Variants in GLIS3 observed in about 807,000 individuals in gnomAD.
GLIS3 encodes GLIS family zinc finger 3.
In GLIS3, 53 loss-of-function variants were observed where a neutral mutation model predicts 78.6. The ratio of observed to expected loss-of-function variants is 0.67; its 90% CI spans 0.54 to 0.85. The LOEUF (loss-of-function observed/expected upper bound fraction) is 0.85. Ranked by LOEUF, GLIS3 falls within the 40% of genes least tolerant of loss-of-function variation. The probability of loss-of-function intolerance (pLI) is 0.00; values close to 1 mark genes in which losing one functional copy is unlikely to be tolerated. For missense variants in GLIS3, 1,703 were observed against 1,231.1 expected (o/e 1.38, Z -5.74); for synonymous variants, 684 against 509.9 (o/e 1.34, Z -4.60).
In GLIS3 at chr9:4,254,990, ATATAT is replaced by A. The variant is rs576107080; in HGVS notation, c.388+31043_388+31047del. Among the ~76,000 whole-genome samples, 554 of 152,358 alleles carry A rather than the reference ATATAT, an allele frequency of 3.6e-3. 3 individuals carry two copies. Among genetic ancestry groups the A allele is most frequent in the Non-Finnish European group, 6.1e-3 (413 of 68,030 alleles). The stretch of plus-strand genomic sequence containing the variant: ...TTTGTAGTATATTTAAATATCCAAA[ATATAT>A]AAGGAACTCTTAAAACTCAACAATG... On this transcript the variant is annotated intron_variant, in intron 2 of 10. Transcript: ENST00000381971.
chr9:3,916,584 C>T (rs1420889644), intron 6 of GLIS3, among the ~76,000 whole-genome samples: 1 of 152,198 alleles, frequency 6.6e-6, no homozygotes, highest in African/African-American at 2.4e-5. Flanking sequence ...ACATCCCTTT[C>T]AGAGAAAAAT....
intron 4 of GLIS3, among the ~76,000 whole-genome samples, chr9:4,019,794 G>A (rs1302488112): frequency 6.6e-6 from 1 of 152,086 alleles, no homozygotes; most frequent in Non-Finnish European, 1.5e-5. Context: ...GTGCAGTGGG[G>A]CAATCACAGC....
At chr9:4,138,013 G>T (rs1282535143) in intron 2 of GLIS3, among the ~76,000 whole-genome samples, 1 of 152,206 alleles carries the variant, frequency 6.6e-6, no homozygotes, top group Non-Finnish European at 1.5e-5. Context: ...ATTGCTCACA[G>T]ATCAGGTATT....
intron 4 of GLIS3, among the ~76,000 whole-genome samples, chr9:4,021,283 CAAT>C (rs1822861287): frequency 6.6e-6 from 1 of 152,142 alleles, no homozygotes; most frequent in Non-Finnish European, 1.5e-5. Flanking sequence ...AAACCTGAAT[CAAT>C]AATTCATATT....
chr9:4,076,458 TACC>T (rs1828062814), intron 4 of GLIS3, among the ~76,000 whole-genome samples: 1 of 152,188 alleles, frequency 6.6e-6, no homozygotes, highest in Admixed American at 6.5e-5. Context: ...TTGTTCTGAG[TACC>T]ACATTAATTT....
chr9:3,916,755 A>T (rs1354508287), intron 6 of GLIS3, among the ~76,000 whole-genome samples: 1 of 152,192 alleles, frequency 6.6e-6, no homozygotes, highest in Non-Finnish European at 1.5e-5. Context: ...CTTAGCCCTG[A>T]ATGCACATCT....
intron 4 of GLIS3, among the ~76,000 whole-genome samples, chr9:4,014,653 CT>C (rs1350656555): frequency 6.6e-6 from 1 of 152,172 alleles, no homozygotes; most frequent in African/African-American, 2.4e-5. Flanking sequence ...TGCCCATGAA[CT>C]TGATTGAAAA....
chr9:4,304,636 A>G (rs1355248612), upstream of GLIS3, among the ~76,000 whole-genome samples: 2 of 152,160 alleles, frequency 1.3e-5, no homozygotes, highest in Non-Finnish European at 2.9e-5. Context: ...AATTATTTAA[A>G]AACTAGTGGA....
intron 4 of GLIS3, among the ~76,000 whole-genome samples, chr9:4,005,770 T>C (rs1485315678): frequency 6.6e-6 from 1 of 152,194 alleles, no homozygotes; most frequent in Non-Finnish European, 1.5e-5. Context: ...TATATCCATA[T>C]AAAAGAAAAT....
At chr9:4,076,729 T>C (rs1828093300) in intron 4 of GLIS3, among the ~76,000 whole-genome samples, 1 of 152,168 alleles carries the variant, frequency 6.6e-6, no homozygotes, top group Admixed American at 6.5e-5. Flanking sequence ...GTCTTATTTT[T>C]CCTAAAAATA....
chr9:4,474,494 T>C, the GLIS3 span, among the ~76,000 whole-genome samples: 14 of 152,276 alleles, frequency 9.2e-5, no homozygotes, highest in East Asian at 2.1e-3. Flanking sequence ...CCTGGATTAA[T>C]TGGATATCCA....
intron 4 of GLIS3, among the ~76,000 whole-genome samples, chr9:4,053,018 G>C (rs1825848963): frequency 6.6e-6 from 1 of 152,152 alleles, no homozygotes; most frequent in African/African-American, 2.4e-5. Flanking sequence ...CATGATCTCA[G>C]TTCACTGCAA....
chr9:4,186,885 C>G (rs899974081), intron 2 of GLIS3, among the ~76,000 whole-genome samples: 1 of 152,060 alleles, frequency 6.6e-6, no homozygotes, highest in African/African-American at 2.4e-5. Flanking sequence ...ATTGTAGATT[C>G]TGGATATTAG....
At chr9:3,867,913 G>A (rs1452025490) in intron 8 of GLIS3, among the ~76,000 whole-genome samples, 2 of 152,108 alleles carry the variant, frequency 1.3e-5, no homozygotes, top group African/African-American at 2.4e-5. Context: ...CTTGACTTCT[G>A]CATAAAAATG....
chr9:4,481,210 G>A, the GLIS3 span, among the ~76,000 whole-genome samples: 41 of 152,256 alleles, frequency 2.7e-4, no homozygotes, highest in East Asian at 7.7e-3. Context: ...TAGGCCAGAT[G>A]TGGTGGCTCA....
the GLIS3 span, among the ~76,000 whole-genome samples, chr9:4,409,509 C>T: frequency 6.6e-6 from 1 of 152,132 alleles, no homozygotes; most frequent in African/African-American, 2.4e-5. Flanking sequence ...AGGCAGTCTC[C>T]TATGTCATTC....
At chr9:4,318,431 A>C (rs77216073) in intron 2 of GLIS3, among the ~76,000 whole-genome samples, 1 of 152,190 alleles carries the variant, frequency 6.6e-6, no homozygotes, top group Non-Finnish European at 1.5e-5. Context: ...TAGGGCAGGG[A>C]AAGTACAAAG....
chr9:3,855,564 G>A (rs925741550), intron 9 of GLIS3: 7 of 229,760 alleles, frequency 3.0e-5, no homozygotes, highest in Middle Eastern at 1.7e-3. Context: ...TCAGCTGGGG[G>A]ATCAGGAAGG....
the GLIS3 span, among the ~76,000 whole-genome samples, chr9:4,467,383 T>A: frequency 2.6e-5 from 4 of 152,184 alleles, no homozygotes; most frequent in South Asian, 8.3e-4. Flanking sequence ...CACCTCCCAG[T>A]AGGTGGCCAC....
Sources: allele counts gnomAD v4.1 joint callset (sites outside exome capture counted in the v4.1 genomes callset), GRCh38; gene constraint gnomAD v4.1.1; transcripts MANE v1.5; gene names NCBI Gene and HGNC (gene_info 2026-07-23, HGNC 2026-07-21).